The following KCNIP4 variants were observed in gnomAD, a reference collection of about 807,000 sequenced individuals.
KCNIP4 encodes Kv channel-interacting protein 4.
In KCNIP4, 12 loss-of-function variants were observed where a neutral mutation model predicts 34.0. The observed-to-expected ratio is 0.35, with a 90% CI of 0.23 to 0.57. The LOEUF is 0.57. Ranked by LOEUF, KCNIP4 falls within the 20% of genes least tolerant of loss-of-function variation. KCNIP4 has a pLI of 0.83. For missense variants in KCNIP4, 238 were observed against 311.7 expected (o/e 0.76, Z 1.78); for synonymous variants, 124 against 102.2 (o/e 1.21, Z -1.29).
chr4:21,326,625 T>C (rs1167371241), intron 1 of KCNIP4, among the ~76,000 whole-genome samples: 1 of 151,868 alleles, frequency 6.6e-6, no homozygotes, highest in African/African-American at 2.4e-5. Context: ...GATAATTTAA[T>C]CCATTTACAT....
chr4:21,454,057 T>C (rs1728728343), intron 1 of KCNIP4, among the ~76,000 whole-genome samples: 2 of 152,084 alleles, frequency 1.3e-5, no homozygotes, highest in African/African-American at 2.4e-5. Flanking sequence ...ACTACTGTTG[T>C]TGTTACAGTT....
chr4:21,302,085 C>A (rs1711794726), intron 1 of KCNIP4, among the ~76,000 whole-genome samples: 1 of 152,052 alleles, frequency 6.6e-6, no homozygotes, highest in Non-Finnish European at 1.5e-5. Context: ...CAAGATTGTC[C>A]TGGAGAATGC....
chr4:20,839,010 A>G (rs1306338010), intron 3 of KCNIP4, among the ~76,000 whole-genome samples: 1 of 152,198 alleles, frequency 6.6e-6, no homozygotes, highest in Non-Finnish European at 1.5e-5. Flanking sequence ...GGGAATCATT[A>G]TGAGAAAGAT....
chr4:21,074,779 C>A (rs529375993), intron 1 of KCNIP4, among the ~76,000 whole-genome samples: 13 of 152,238 alleles, frequency 8.5e-5, no homozygotes, highest in Admixed American at 8.5e-4. Context: ...GCATTTAGTG[C>A]TATAAATTTC....
intron 1 of KCNIP4, among the ~76,000 whole-genome samples, chr4:21,288,233 C>T (rs1027610103): frequency 2.6e-5 from 4 of 152,172 alleles, no homozygotes; most frequent in African/African-American, 9.7e-5. Flanking sequence ...GATCACAGCA[C>T]AACTATCCTT....
intron 1 of KCNIP4, among the ~76,000 whole-genome samples, chr4:21,816,862 T>C (rs922081414): frequency 6.6e-6 from 1 of 152,192 alleles, no homozygotes; most frequent in Non-Finnish European, 1.5e-5. Flanking sequence ...CACCACCAGC[T>C]TGACCTTGAG....
chr4:20,769,953 T>A (rs956565626), intron 3 of KCNIP4, among the ~76,000 whole-genome samples: 5 of 152,210 alleles, frequency 3.3e-5, no homozygotes, highest in African/African-American at 1.2e-4. Context: ...ACAAAGATCA[T>A]CTCTGTATCT....
chr4:21,365,691 CGTT>C (rs1396466698), intron 1 of KCNIP4, among the ~76,000 whole-genome samples: 1 of 151,768 alleles, frequency 6.6e-6, no homozygotes, highest in African/African-American at 2.4e-5. Context: ...ATTCTGTTCC[CGTT>C]GTTGTTATTA....
intron 1 of KCNIP4, among the ~76,000 whole-genome samples, chr4:20,982,670 G>A (rs1736179240): frequency 6.6e-6 from 1 of 152,156 alleles, no homozygotes; most frequent in African/African-American, 2.4e-5. Flanking sequence ...AGAATAAAAG[G>A]ACTTTCTGAA....
intron 1 of KCNIP4, among the ~76,000 whole-genome samples, chr4:21,389,280 A>T (rs988297508): frequency 6.6e-6 from 1 of 151,984 alleles, no homozygotes; most frequent in African/African-American, 2.4e-5. Flanking sequence ...TGCACCCAGC[A>T]CACAGACATA....
chr4:21,054,791 T>TA (rs1242996498), intron 1 of KCNIP4, among the ~76,000 whole-genome samples: 4 of 148,454 alleles, frequency 2.7e-5, no homozygotes, highest in Non-Finnish European at 5.9e-5. Flanking sequence ...TATCTAAATA[T>TA]AAAATTCAAA....
intron 1 of KCNIP4, among the ~76,000 whole-genome samples, chr4:21,680,854 G>A (rs550401009): frequency 1.1e-4 from 17 of 152,264 alleles, no homozygotes; most frequent in Non-Finnish European, 1.9e-4. Context: ...AGGTTTGGTT[G>A]TTCCATTATT....
chr4:21,856,225 T>C (rs1165222945), intron 1 of KCNIP4, among the ~76,000 whole-genome samples: 1 of 152,232 alleles, frequency 6.6e-6, no homozygotes, highest in Admixed American at 6.5e-5. Context: ...CCGTGTGGAC[T>C]CTACTCTATA....
At chr4:20,979,501 C>A (rs188755903) in intron 1 of KCNIP4, among the ~76,000 whole-genome samples, 224 of 151,828 alleles carry the variant, frequency 1.5e-3, no homozygotes, top group African/African-American at 5.1e-3. Flanking sequence ...CGGGTTCACG[C>A]CACTCTCCTG....
intron 1 of KCNIP4, among the ~76,000 whole-genome samples, chr4:21,395,898 C>A (rs1722944396): frequency 6.6e-6 from 1 of 152,170 alleles, no homozygotes; most frequent in African/African-American, 2.4e-5. Context: ...ATCACAAATT[C>A]TTTGGGTCTC....
At chr4:21,469,046 A>C (rs1228597833) in intron 1 of KCNIP4, among the ~76,000 whole-genome samples, 3 of 151,904 alleles carry the variant, frequency 2.0e-5, no homozygotes, top group Admixed American at 2.0e-4. Flanking sequence ...TATTATATAC[A>C]CTATTTTATT....
intron 1 of KCNIP4, among the ~76,000 whole-genome samples, chr4:21,247,773 GTTTTT>G: frequency 1.5e-5 from 1 of 64,784 alleles, no homozygotes; most frequent in Non-Finnish European, 2.7e-5. Context: ...CCCCACAGGT[GTTTTT>G]TATATATATA....
chr4:21,681,795 A>G (rs62302870), intron 1 of KCNIP4, among the ~76,000 whole-genome samples: 63 of 152,290 alleles, frequency 4.1e-4, no homozygotes, highest in Middle Eastern at 6.8e-3. Flanking sequence ...GCTTCCACTC[A>G]TGGCAGAAGG....
intron 1 of KCNIP4, among the ~76,000 whole-genome samples, chr4:21,811,814 A>T (rs554188725): frequency 6.6e-6 from 1 of 152,280 alleles, no homozygotes; most frequent in Admixed American, 6.5e-5. Flanking sequence ...CCATGAAAGA[A>T]TGTTCCAAGA....
Sources: gnomAD v4.1 joint callset for allele counts (sites outside exome capture counted in the v4.1 genomes callset) on GRCh38, gnomAD v4.1.1 for gene constraint, MANE v1.5 for transcripts, NCBI Gene and HGNC (gene_info 2026-07-23, HGNC 2026-07-21) for gene names.